The following NEGR1 variants were observed in gnomAD, a reference collection of about 807,000 sequenced individuals.
NEGR1 encodes the protein IgLON family member 4.
A neutral mutation model predicts 40.9 loss-of-function variants in NEGR1; 10 were observed. The observed-to-expected ratio is 0.24, with a 90% CI of 0.15 to 0.42. NEGR1 has a LOEUF of 0.42. Among genes scored for constraint, NEGR1 ranks in the 10% least tolerant of loss-of-function variants. The pLI is 1.00. For synonymous variants in NEGR1, 185 were observed against 166.8 expected (o/e 1.11, Z -0.84); for missense variants, 352 against 438.9 (o/e 0.80, Z 1.77).
At chr1:71,781,296 A>G (rs1166846187) in intron 2 of NEGR1, among the ~76,000 whole-genome samples, 1 of 152,194 alleles carries the variant, frequency 6.6e-6, no homozygotes, top group Non-Finnish European at 1.5e-5. Flanking sequence ...GATTTTAGAA[A>G]GAATAAATAA....
chr1:71,824,269 TCAAA>T (rs1658538171), intron 2 of NEGR1, among the ~76,000 whole-genome samples: 1 of 151,892 alleles, frequency 6.6e-6, no homozygotes. Context: ...TGCAATTTTC[TCAAA>T]CACTTTTTTT....
chr1:71,948,821 G>A (rs371597320), intron 1 of NEGR1, among the ~76,000 whole-genome samples: 9 of 151,964 alleles, frequency 5.9e-5, no homozygotes, highest in East Asian at 1.9e-4. Context: ...TAGGAAAACC[G>A]TAAATTTCAA....
At chr1:71,602,196 T>C (rs1649943383) in intron 5 of NEGR1, among the ~76,000 whole-genome samples, 1 of 151,398 alleles carries the variant, frequency 6.6e-6, no homozygotes, top group Non-Finnish European at 1.5e-5. Flanking sequence ...CGCATAATGC[T>C]TACATGACAT....
At chr1:71,538,921 T>A (rs558561088) in intron 6 of NEGR1, among the ~76,000 whole-genome samples, 1 of 151,770 alleles carries the variant, frequency 6.6e-6, no homozygotes, top group East Asian at 2.0e-4. Flanking sequence ...GCTCCAGACT[T>A]CATTTTTCTT....
chr1:72,090,142 A>G (rs887288900), intron 1 of NEGR1, among the ~76,000 whole-genome samples: 1 of 152,048 alleles, frequency 6.6e-6, no homozygotes, highest in African/African-American at 2.4e-5. Context: ...TTTCTTAAAT[A>G]TACCTATGAG....
At chr1:72,254,707 A>T (rs1655208527) in intron 1 of NEGR1, among the ~76,000 whole-genome samples, 1 of 151,930 alleles carries the variant, frequency 6.6e-6, no homozygotes, top group Non-Finnish European at 1.5e-5. Context: ...GTCTAAAAAA[A>T]AAAAAAAAAA....
chr1:71,968,735 T>C (rs773124464), intron 1 of NEGR1, among the ~76,000 whole-genome samples: 1 of 152,224 alleles, frequency 6.6e-6, no homozygotes, highest in Non-Finnish European at 1.5e-5. Context: ...ATTGGAAACA[T>C]CTAGGTTTCA....
At chr1:71,557,856 C>T (rs1607276) in intron 6 of NEGR1, among the ~76,000 whole-genome samples, 5,828 of 151,622 alleles carry the variant, frequency 0.038, 391 homozygotes, top group African/African-American at 0.13. Context: ...ATCCAGGATA[C>T]GGTATTGCAT....
intron 1 of NEGR1, among the ~76,000 whole-genome samples, chr1:72,206,625 G>A (rs1397783157): frequency 6.6e-6 from 1 of 151,930 alleles, no homozygotes; most frequent in Admixed American, 6.6e-5. Context: ...GACCAAAAAG[G>A]CTGGGTTCTC....
At chr1:72,132,206 A>G (rs1300963187) in intron 1 of NEGR1, among the ~76,000 whole-genome samples, 1 of 152,228 alleles carries the variant, frequency 6.6e-6, no homozygotes, top group East Asian at 1.9e-4. Context: ...GATTTCCACA[A>G]TATCTTGATA....
intron 1 of NEGR1, among the ~76,000 whole-genome samples, chr1:71,993,349 C>T (rs1475246546): frequency 2.0e-5 from 3 of 152,108 alleles, no homozygotes; most frequent in Admixed American, 6.5e-5. Flanking sequence ...GACTTAAGAG[C>T]GCCAACTTTT....
intron 1 of NEGR1, among the ~76,000 whole-genome samples, chr1:71,979,618 C>T (rs139604010): frequency 1.3e-3 from 199 of 151,994 alleles, no homozygotes; most frequent in African/African-American, 4.1e-3. Context: ...ACAAAGACAA[C>T]GGAAATAAAT....
chr1:71,925,906 C>G (rs550580676), intron 2 of NEGR1, among the ~76,000 whole-genome samples: 7 of 152,020 alleles, frequency 4.6e-5, no homozygotes, highest in Non-Finnish European at 7.4e-5. Flanking sequence ...GTACATTGCA[C>G]TGGGATTTGA....
intron 3 of NEGR1, among the ~76,000 whole-genome samples, chr1:71,768,441 ATT>A (rs200084273): frequency 6.6e-6 from 1 of 151,784 alleles, no homozygotes; most frequent in African/African-American, 2.4e-5. Context: ...TATCCTTCCA[ATT>A]TTTTTTGTTT....
intron 6 of NEGR1, among the ~76,000 whole-genome samples, chr1:71,506,590 G>C (rs1647036333): frequency 6.6e-6 from 1 of 151,696 alleles, no homozygotes; most frequent in Non-Finnish European, 1.5e-5. Flanking sequence ...CATAATAATA[G>C]AAAAAAAATC....
rs1276704741 is a variant in NEGR1 at position 71,506,081 on chromosome 1, G to A, written c.940+86736C>T. Among the ~76,000 whole-genome samples the A allele has an allele frequency of 2.6e-5, 4 of 152,132 alleles. No homozygotes were observed. The East Asian group carries it at 7.7e-4, about 29-fold the overall frequency. ...GGTCTGCCTTTGCCTAAAACAAGGAGAGAACTCCAAAAATTTTTAGGTTTG... is the reference window on the plus strand; with the variant it reads ...GGTCTGCCTTTGCCTAAAACAAGGAAAGAACTCCAAAAATTTTTAGGTTTG... On this transcript the variant is annotated intron_variant, in intron 6 of 6. Transcript: ENST00000357731.
At chr1:71,683,187 C>A (rs1466322861) in intron 4 of NEGR1, among the ~76,000 whole-genome samples, 1 of 152,066 alleles carries the variant, frequency 6.6e-6, no homozygotes, top group Non-Finnish European at 1.5e-5. Context: ...GCATCTACTT[C>A]TGAGACATGG....
intron 1 of NEGR1, among the ~76,000 whole-genome samples, chr1:72,097,169 G>A (rs984136478): frequency 1.3e-5 from 2 of 152,132 alleles, no homozygotes; most frequent in Non-Finnish European, 2.9e-5. Flanking sequence ...AAAGGCTCCA[G>A]AGGCTGGGTT....
At chr1:72,238,164 T>G (rs1654620523) in intron 1 of NEGR1, among the ~76,000 whole-genome samples, 1 of 151,762 alleles carries the variant, frequency 6.6e-6, no homozygotes. Context: ...AAGAACACTA[T>G]GGGGATTTTC....
Sources: gnomAD v4.1 joint callset for allele counts (sites outside exome capture counted in the v4.1 genomes callset) on GRCh38, gnomAD v4.1.1 for gene constraint, MANE v1.5 for transcripts, NCBI Gene and HGNC (gene_info 2026-07-23, HGNC 2026-07-21) for gene names.